SORCS1: variants seen among roughly 807,000 people sequenced by gnomAD.
SORCS1 encodes the protein sortilin related VPS10 domain containing receptor 1.
SORCS1 carries 60 observed loss-of-function variants against 146.1 expected under a neutral mutation model. The ratio of observed to expected loss-of-function variants is 0.41; its 90% CI spans 0.33 to 0.51. The LOEUF (loss-of-function observed/expected upper bound fraction) is 0.51. Ranked by LOEUF, SORCS1 falls within the 20% of genes least tolerant of loss-of-function variation. The pLI is 0.21. For missense variants in SORCS1, 1,352 were observed against 1,487.6 expected, an observed-to-expected ratio of 0.91 and a Z score of 1.50; for synonymous variants, 637 against 584.0, an observed-to-expected ratio of 1.09 and a Z score of -1.31.
intron 19 of SORCS1, among the ~76,000 whole-genome samples, chr10:106,621,295 C>G (rs1564787578): frequency 6.6e-6 from 1 of 152,138 alleles, no homozygotes; most frequent in African/African-American, 2.4e-5. Context: ...CCACTAGGAC[C>G]TTTCCTTCAA....
At chr10:107,071,627 T>C (rs890136941) in intron 1 of SORCS1, among the ~76,000 whole-genome samples, 2 of 152,212 alleles carry the variant, frequency 1.3e-5, no homozygotes, top group African/African-American at 4.8e-5. Context: ...TCTAGATTAA[T>C]CTACTTCCTT....
chr10:107,068,741 G>A (rs1485655253), intron 1 of SORCS1, among the ~76,000 whole-genome samples: 1 of 152,036 alleles, frequency 6.6e-6, no homozygotes, highest in Non-Finnish European at 1.5e-5. Context: ...GTGGTGGTGG[G>A]GGCCTGTAGT....
chr10:106,758,709 G>C (rs1421013094), intron 5 of SORCS1, among the ~76,000 whole-genome samples: 1 of 152,032 alleles, frequency 6.6e-6, no homozygotes, highest in Admixed American at 6.6e-5. Flanking sequence ...AGAGATGAAG[G>C]TTTCTCATGA....
Position 106,575,499 on chromosome 10 carries a change from G to A in SORCS1, c.*1921C>T, listed in dbSNP as rs1844540326. On this transcript the variant is annotated 3_prime_UTR_variant, in exon 26 of 26. Coordinates refer to ENST00000263054, the MANE Select transcript of SORCS1 (RefSeq NM_052918.5). The stretch of plus-strand genomic sequence containing the variant: ...ACTTCTTTCTCCTATAGTTTATAGT[G>A]GGCTTTGCCCAGTCCATAATACTAA... 1 of 152,176 alleles carries A rather than the reference G, an allele frequency of 6.6e-6. No homozygotes were observed. The highest frequency in any genetic ancestry group is 2.4e-5 in the African/African-American group (1 of 41,446). The allele number at this position is 152,176 out of a possible 1,614,324, so 9.4% of individuals were successfully genotyped here. A position where few individuals can be genotyped will look rare whatever the true frequency, so the allele number is the denominator to read the frequency against.
chr10:106,629,556 T>C (rs1267617663), intron 18 of SORCS1, among the ~76,000 whole-genome samples, 168 bp from the exon 19 acceptor site: 1 of 152,168 alleles, frequency 6.6e-6, no homozygotes, highest in Non-Finnish European at 1.5e-5. Flanking sequence ...CCCTGTGACA[T>C]TCCCTGGCAG....
At chr10:107,136,037 C>A (rs544153603) in intron 1 of SORCS1, among the ~76,000 whole-genome samples, 8 of 152,076 alleles carry the variant, frequency 5.3e-5, no homozygotes, top group East Asian at 1.9e-4. Flanking sequence ...AAATAAATAA[C>A]CTCTGGTTTT....
chr10:107,152,603 T>C (rs1026945709), intron 1 of SORCS1, among the ~76,000 whole-genome samples: 3 of 152,160 alleles, frequency 2.0e-5, no homozygotes, highest in Non-Finnish European at 2.9e-5. Context: ...TCTGATGGTT[T>C]TATAAGGGGC....
At chr10:106,937,595 A>C (rs1953805238) in intron 2 of SORCS1, among the ~76,000 whole-genome samples, 1 of 152,118 alleles carries the variant, frequency 6.6e-6, no homozygotes. Context: ...CTCCCCAACC[A>C]TGTGGACTGT....
chr10:107,072,860 T>C (rs1962559020), intron 1 of SORCS1, among the ~76,000 whole-genome samples: 1 of 151,828 alleles, frequency 6.6e-6, no homozygotes, highest in African/African-American at 2.4e-5. Context: ...TCTATATTAC[T>C]ATCCACAGCC....
intron 1 of SORCS1, among the ~76,000 whole-genome samples, chr10:107,014,554 C>T (rs1319978834): frequency 6.6e-6 from 1 of 151,980 alleles, no homozygotes; most frequent in Non-Finnish European, 1.5e-5. Context: ...AATTCCCTTG[C>T]TTTCTGTTAT....
chr10:106,829,715 T>C (rs1948457751), intron 2 of SORCS1, 42 bp from the exon 3 acceptor site: 1 of 1,492,514 alleles, frequency 6.7e-7, no homozygotes, highest in East Asian at 2.3e-5. Context: ...GAAGTATATG[T>C]CATTTGGCTG....
intron 13 of SORCS1, among the ~76,000 whole-genome samples, chr10:106,676,312 G>A (rs1248274361): frequency 1.3e-5 from 2 of 152,132 alleles, no homozygotes; most frequent in Non-Finnish European, 2.9e-5. Context: ...GACACGCACA[G>A]GCAGAATTGT....
chr10:106,951,525 A>C (rs1233444456), intron 2 of SORCS1, among the ~76,000 whole-genome samples: 2 of 151,702 alleles, frequency 1.3e-5, no homozygotes, highest in African/African-American at 2.4e-5. Flanking sequence ...AAAAAAAAAA[A>C]AAAAACGGAA....
At chr10:106,772,133 C>T (rs1860064947) in intron 4 of SORCS1, among the ~76,000 whole-genome samples, 1 of 152,162 alleles carries the variant, frequency 6.6e-6, no homozygotes, top group South Asian at 2.1e-4. Flanking sequence ...AGAAAATCCA[C>T]CCTCTCCAGT....
chr10:106,742,631 C>T (rs557323579), intron 5 of SORCS1, among the ~76,000 whole-genome samples: 111 of 152,264 alleles, frequency 7.3e-4, no homozygotes, highest in African/African-American at 2.6e-3. Flanking sequence ...CCACCTGCCT[C>T]GGCCTCCCAA....
At chr10:106,615,954 A>G (rs756633539) in intron 21 of SORCS1, among the ~76,000 whole-genome samples, 2 of 152,202 alleles carry the variant, frequency 1.3e-5, no homozygotes, top group South Asian at 2.1e-4. Flanking sequence ...CGTAAAATGC[A>G]TAATTATAGA....
At chr10:106,697,582 T>C (rs1225946331) in intron 9 of SORCS1, among the ~76,000 whole-genome samples, 2 of 147,708 alleles carry the variant, frequency 1.4e-5, no homozygotes, top group African/African-American at 5.0e-5. Context: ...ATTTACACAA[T>C]GCAGGGAGAT....
chr10:106,669,962 C>T (rs796684493), intron 16 of SORCS1, among the ~76,000 whole-genome samples: 17 of 152,294 alleles, frequency 1.1e-4, no homozygotes, highest in African/African-American at 4.1e-4. Context: ...TATCTCAGTT[C>T]AGTCACTGAT....
In SORCS1 at chr10:106,958,875, A is replaced by G. The variant is rs962677503; in HGVS notation, c.559-2295T>C. Among the ~76,000 whole-genome samples the G allele has an allele frequency of 3.9e-5, 6 of 152,250 alleles. No homozygotes were observed. In the East Asian group the frequency reaches 9.6e-4, roughly 24 times the overall value. ...AGGGTGGCTGTTTGTTTGAAGACAC[A>G]GAATGATGTTCCTACTCCACCTCAG... On this transcript the variant is annotated intron_variant, in intron 1 of 25. Coordinates refer to ENST00000263054, the MANE Select transcript of SORCS1 (RefSeq NM_052918.5).
Sources: gnomAD v4.1 joint callset for allele counts (sites outside exome capture counted in the v4.1 genomes callset) on GRCh38, gnomAD v4.1.1 for gene constraint, MANE v1.5 for transcripts, NCBI Gene and HGNC (gene_info 2026-07-23, HGNC 2026-07-21) for gene names.